Variants in MSRA observed in about 807,000 individuals in gnomAD.
MSRA encodes mitochondrial peptide methionine sulfoxide reductase.
MSRA carries 54 observed loss-of-function variants against 31.3 expected under a neutral mutation model. The observed-to-expected ratio is 1.73, with a 90% CI of 1.39 to 2.17. MSRA has a LOEUF of 2.17. Among genes scored for constraint, MSRA ranks in the 30% most tolerant of loss-of-function variants. MSRA has a pLI of 0.00. For missense variants in MSRA, 507 were observed against 300.9 expected (o/e 1.69, Z -5.07); for synonymous variants, 169 against 116.5 (o/e 1.45, Z -2.90).
intron 5 of MSRA, among the ~76,000 whole-genome samples, chr8:10,342,396 A>C (rs546794067): frequency 6.6e-6 from 1 of 152,372 alleles, no homozygotes; most frequent in South Asian, 2.1e-4. Context: ...TGTAGCTTCC[A>C]GAAAACTTCA....
intron 3 of MSRA, among the ~76,000 whole-genome samples, chr8:10,292,337 A>G (rs528235625): frequency 3.9e-5 from 6 of 152,212 alleles, no homozygotes; most frequent in South Asian, 2.1e-4. Flanking sequence ...ATCACATCAC[A>G]TGCCCAGTCC....
At chr8:10,128,903 G>C (rs1274990566) in intron 1 of MSRA, among the ~76,000 whole-genome samples, 3 of 152,192 alleles carry the variant, frequency 2.0e-5, no homozygotes, top group Non-Finnish European at 4.4e-5. Flanking sequence ...TTTTCCAGGA[G>C]AGGAGTTTAG....
chr8:10,390,455 G>C (rs1235750562), intron 5 of MSRA, among the ~76,000 whole-genome samples: 1 of 152,166 alleles, frequency 6.6e-6, no homozygotes, highest in East Asian at 1.9e-4. Context: ...TTGCCTCTTA[G>C]TCTTCCTCCC....
intron 1 of MSRA, among the ~76,000 whole-genome samples, chr8:10,088,438 A>C (rs375868599): frequency 6.6e-6 from 1 of 152,204 alleles, no homozygotes; most frequent in Admixed American, 6.5e-5. Flanking sequence ...TAAGATGTCT[A>C]TCAAGGGAGG....
At chr8:10,125,397 G>T (rs1160254527) in intron 1 of MSRA, among the ~76,000 whole-genome samples, 1 of 152,206 alleles carries the variant, frequency 6.6e-6, no homozygotes, top group Non-Finnish European at 1.5e-5. Flanking sequence ...GGAAGGAGGA[G>T]CAGGAGTTAG....
intron 1 of MSRA, among the ~76,000 whole-genome samples, chr8:10,083,013 C>G (rs185440540): frequency 6.6e-6 from 1 of 152,196 alleles, no homozygotes; most frequent in Non-Finnish European, 1.5e-5. Context: ...AATTAAGCCT[C>G]CAATCTGATG....
At chr8:10,222,534 G>C (rs968556551) in intron 2 of MSRA, among the ~76,000 whole-genome samples, 1 of 152,080 alleles carries the variant, frequency 6.6e-6, no homozygotes, top group Non-Finnish European at 1.5e-5. Context: ...CACTATCTCA[G>C]AGATATTCAT....
intron 1 of MSRA, among the ~76,000 whole-genome samples, chr8:10,113,930 A>G (rs1276356235): frequency 6.6e-6 from 1 of 152,118 alleles, no homozygotes; most frequent in South Asian, 2.1e-4. Context: ...ATTATCCCCA[A>G]AAGAAACTCC....
intron 4 of MSRA, among the ~76,000 whole-genome samples, chr8:10,308,528 G>A (rs193288273): frequency 2.6e-5 from 4 of 152,282 alleles, no homozygotes; most frequent in Admixed American, 1.3e-4. Context: ...AACCAGCTGT[G>A]GCCCCCTCTG....
chr8:10,169,716 A>C (rs1446534687), intron 1 of MSRA, among the ~76,000 whole-genome samples: 1 of 152,200 alleles, frequency 6.6e-6, no homozygotes, highest in East Asian at 1.9e-4. Context: ...ATTTTGTCTG[A>C]TGCTATTGTA....
chr8:10,124,887 A>T (rs958865756), intron 1 of MSRA, among the ~76,000 whole-genome samples: 1 of 152,224 alleles, frequency 6.6e-6, no homozygotes, highest in Non-Finnish European at 1.5e-5. Flanking sequence ...CTATTGGTTT[A>T]TGTACTGGGA....
chr8:10,242,143 C>T (rs988560253), intron 2 of MSRA, among the ~76,000 whole-genome samples: 2 of 152,044 alleles, frequency 1.3e-5, no homozygotes, highest in South Asian at 2.1e-4. Context: ...TGGTAGTACG[C>T]GCTTGTAATC....
intron 3 of MSRA, among the ~76,000 whole-genome samples, chr8:10,282,036 TC>T (rs746958600): frequency 7.8e-4 from 119 of 152,288 alleles, no homozygotes; most frequent in Non-Finnish European, 1.4e-3. Flanking sequence ...GGTGGGTTCT[TC>T]CAGACTCTCC....
chr8:10,389,919 G>T (rs1806632672), intron 5 of MSRA, among the ~76,000 whole-genome samples: 1 of 152,056 alleles, frequency 6.6e-6, no homozygotes, highest in African/African-American at 2.4e-5. Flanking sequence ...GCTGCGCTCA[G>T]GCCCAAACGG....
At chr8:10,235,294 T>G (rs372245154) in intron 2 of MSRA, among the ~76,000 whole-genome samples, 2 of 152,196 alleles carry the variant, frequency 1.3e-5, no homozygotes, top group South Asian at 4.1e-4. Flanking sequence ...AAAGCAAAAA[T>G]GTATACTTTT....
At chr8:10,220,278 A>G (rs1810376651) in intron 2 of MSRA, among the ~76,000 whole-genome samples, 1 of 152,226 alleles carries the variant, frequency 6.6e-6, no homozygotes, top group South Asian at 2.1e-4. Flanking sequence ...CTTGGGAGCA[A>G]CAGTGGTGCC....
At chr8:10,312,327 A>C (rs2129132647) in intron 4 of MSRA, among the ~76,000 whole-genome samples, 1 of 152,354 alleles carries the variant, frequency 6.6e-6, no homozygotes, top group Non-Finnish European at 1.5e-5. Flanking sequence ...AAAAAGTGGG[A>C]TATCACTACA....
chr8:10,191,034 C>T (rs1438645130), intron 1 of MSRA, among the ~76,000 whole-genome samples: 1 of 152,176 alleles, frequency 6.6e-6, no homozygotes, highest in Non-Finnish European at 1.5e-5. Flanking sequence ...TTATGAGACA[C>T]TATAAGCATA....
chr8:10,118,622 C>T (rs1800867079), intron 1 of MSRA, among the ~76,000 whole-genome samples: 1 of 152,130 alleles, frequency 6.6e-6, no homozygotes, highest in South Asian at 2.1e-4. Context: ...ACACCCTGGG[C>T]TCCAGCATTT....
Sources: gnomAD v4.1 joint callset for allele counts (sites outside exome capture counted in the v4.1 genomes callset) on GRCh38, gnomAD v4.1.1 for gene constraint, MANE v1.5 for transcripts, NCBI Gene and HGNC (gene_info 2026-07-23, HGNC 2026-07-21) for gene names.